SART3: variants seen among roughly 807,000 people sequenced by gnomAD.
The protein encoded by SART3 is spliceosome associated factor 3, U4/U6 recycling protein.
A neutral mutation model predicts 122.3 loss-of-function variants in SART3; 44 were observed. That is an observed-to-expected ratio of 0.36 (90% CI 0.28 to 0.46). The LOEUF (loss-of-function observed/expected upper bound fraction) is 0.46, where lower values mean the gene tolerates loss of function less well. Ranked by LOEUF, SART3 falls within the 20% of genes least tolerant of loss-of-function variation. The probability of loss-of-function intolerance (pLI) is 1.00; values close to 1 mark genes in which losing one functional copy is unlikely to be tolerated. For synonymous variants in SART3, 442 were observed against 454.0 expected, an observed-to-expected ratio of 0.97 and a Z score of 0.34; for missense variants, 1,101 against 1,229.0, an observed-to-expected ratio of 0.90 and a Z score of 1.56.
chr12:108,558,931 G>A (rs1300008150), intron 1 of SART3, among the ~76,000 whole-genome samples: 4 of 151,508 alleles, frequency 2.6e-5, no homozygotes, highest in Non-Finnish European at 5.9e-5. Flanking sequence ...TACTCGGGGG[G>A]CTGAGGCAGG....
chr12:108,533,454 C>A (rs1308081480), intron 12 of SART3, among the ~76,000 whole-genome samples: 1 of 148,140 alleles, frequency 6.8e-6, no homozygotes, highest in Non-Finnish European at 1.5e-5. Context: ...TTTTCAAGGA[C>A]ACCATTTTTA....
chr12:108,532,822 C>T (rs1020313686), intron 12 of SART3, among the ~76,000 whole-genome samples: 5 of 151,784 alleles, frequency 3.3e-5, no homozygotes, highest in African/African-American at 7.3e-5. Context: ...AGCACGATCT[C>T]GGCTCACTCC....
intron 3 of SART3, among the ~76,000 whole-genome samples, chr12:108,546,382 GTA>G (rs1192512830): frequency 6.6e-6 from 1 of 151,938 alleles, no homozygotes; most frequent in Non-Finnish European, 1.5e-5. Context: ...TGTATTTTTA[GTA>G]GAGATGGGGT....
At position 108,545,328 on chromosome 12, in the gene SART3, A is replaced by G; in HGVS notation, c.545-5T>C. ...ACTCTAGCCAAATGTTAGGACCTAA[A>G]AATAAGAAGTGTTCAATTAGTTTGG... On this transcript the variant is annotated splice_polypyrimidine_tract_variant and splice_region_variant and intron_variant, in intron 3 of 18. Transcript: ENST00000546815. 1 of 1,614,084 alleles carries G rather than the reference A, an allele frequency of 6.2e-7. No individual in the cohort carries two copies. Among genetic ancestry groups the G allele is most frequent in the South Asian group, 1.1e-5 (1 of 91,080 alleles).
chr12:108,524,100 A>T, intron 18 of SART3: 1 of 602,612 alleles, frequency 1.7e-6, no homozygotes, highest in Non-Finnish European at 3.0e-6. Flanking sequence ...GACAAGTGTA[A>T]ATTGGCCAGT....
At chr12:108,543,206 C>A (rs1046220167) in intron 5 of SART3, 54 bp from the exon 6 acceptor site, 41 of 1,604,166 alleles carry the variant, frequency 2.6e-5, no homozygotes, top group Non-Finnish European at 3.3e-5. Context: ...TTTATCAACC[C>A]AAACACAGAT....
rs1251301044 is a variant in SART3 at position 108,524,663 on chromosome 12, T to G, written c.2524-157A>C. The G allele has an allele frequency of 4.4e-6, 3 of 679,196 alleles. No individual in the cohort carries two copies. In the South Asian group the frequency reaches 4.9e-5, roughly 11 times the overall value. The allele number at this position is 679,196 out of a possible 1,614,324, so 42.1% of individuals were successfully genotyped here. A position where few individuals can be genotyped will look rare whatever the true frequency, so the allele number is the denominator to read the frequency against. Reference sequence around the variant, plus strand: ...TTACCTTCCCCACCACCGCATCCTCTGTCTACAGGCTTATTTCCCCACCCT... The same window carrying G: ...TTACCTTCCCCACCACCGCATCCTCGGTCTACAGGCTTATTTCCCCACCCT... On this transcript the variant is annotated intron_variant, in intron 17 of 18. Transcript: ENST00000546815.
chr12:108,524,181 TACC>T, intron 18 of SART3, 132 bp downstream of exon 18: 2 of 830,858 alleles, frequency 2.4e-6, no homozygotes, highest in Non-Finnish European at 4.1e-6. Context: ...CCACAGTGAT[TACC>T]ACAAGGAACA....
intron 5 of SART3, among the ~76,000 whole-genome samples, chr12:108,543,401 C>T (rs766808640): frequency 4.6e-5 from 7 of 152,234 alleles, no homozygotes; most frequent in Non-Finnish European, 1.0e-4. Context: ...TTTAACAACA[C>T]TTACCCAGTG....
Position 108,523,366 on chromosome 12 carries a change from C to T in SART3, c.*91G>A, listed in dbSNP as rs1872213494. On this transcript the variant is annotated 3_prime_UTR_variant, in exon 19 of 19. Transcript: ENST00000546815. ...CTGTGGTTGCGAGCACGCAGCACACCAGGCCTGTCCATCCCCAGTGCACTG... is the reference window on the plus strand; with the variant it reads ...CTGTGGTTGCGAGCACGCAGCACACTAGGCCTGTCCATCCCCAGTGCACTG... The T allele has an allele frequency of 7.3e-7, 1 of 1,362,788 alleles. No individual in the cohort carries two copies. Among genetic ancestry groups the T allele is most frequent in the African/African-American group, 1.4e-5 (1 of 69,890 alleles). The allele number at this position is 1,362,788 out of a possible 1,614,324, so 84.4% of individuals were successfully genotyped here. A position where few individuals can be genotyped will look rare whatever the true frequency, so the allele number is the denominator to read the frequency against.
chr12:108,554,509 C>A (rs912214017), intron 1 of SART3, among the ~76,000 whole-genome samples: 1 of 151,896 alleles, frequency 6.6e-6, no homozygotes, highest in African/African-American at 2.4e-5. Flanking sequence ...AACATGATTA[C>A]CTCAATGAAG....
chr12:108,526,009 A>G (rs554566075), intron 16 of SART3, 90 bp downstream of exon 16: 13 of 1,094,450 alleles, frequency 1.2e-5, no homozygotes, highest in Non-Finnish European at 1.8e-5. Context: ...TAAAACTTCC[A>G]TGTCTATCCT....
Position 108,530,251 on chromosome 12 carries a change from T to A in SART3, c.1806A>T (p.Lys602Asn). 6.2e-7 allele frequency: 1 copy of A among 1,614,208 alleles called. No homozygotes were observed. Among genetic ancestry groups the A allele is most frequent in the Non-Finnish European group, 8.5e-7 (1 of 1,180,036 alleles). The part of the protein sequence containing the change: ...QQEEEKAEQR[K>N]RARAEKKALK... Reference sequence around the variant, plus strand: ...ACGCTTTCTTCTCAGCCCGAGCTCTTTTCCGTTGTTCAGCCTTTTCTTCTT... The same window carrying A: ...ACGCTTTCTTCTCAGCCCGAGCTCTATTCCGTTGTTCAGCCTTTTCTTCTT... Residue 602 changes from lysine to asparagine, a missense_variant, in exon 15 of 19, where the codon AAA becomes AAT. Physicochemically the swap from Lys to Asn is moderately conservative, Grantham distance 94. Around this residue, in one of 2 missense-constraint regions of SART3, gnomAD observed 885 missense variants for 1,080.1 expected, o/e 0.82. Coordinates refer to ENST00000546815, the MANE Select transcript of SART3 (RefSeq NM_014706.4).
chr12:108,544,770 G>A (rs1460038540), intron 4 of SART3: 1 of 583,390 alleles, frequency 1.7e-6, no homozygotes, highest in South Asian at 2.0e-5. Flanking sequence ...TCACTACATT[G>A]CCCAGGCTGG....
chr12:108,555,707 A>G (rs2030191855), intron 1 of SART3, among the ~76,000 whole-genome samples: 1 of 152,198 alleles, frequency 6.6e-6, no homozygotes, highest in Admixed American at 6.5e-5. Flanking sequence ...ATGGAGTTAT[A>G]TGCATGTTCT....
intron 10 of SART3, 56 bp from the exon 11 acceptor site, chr12:108,536,628 GC>G: frequency 6.2e-7 from 1 of 1,608,798 alleles, no homozygotes; most frequent in Non-Finnish European, 8.5e-7. Context: ...ATAGTCGCTG[GC>G]TGAAAAGGTA....
At position 108,561,039 on chromosome 12, in the gene SART3, A is replaced by T; in HGVS notation, c.116T>A (p.Leu39Ter). 3 of 1,614,098 alleles carry T rather than the reference A, an allele frequency of 1.9e-6. No individual in the cohort carries two copies. Among genetic ancestry groups the T allele is most frequent in the Non-Finnish European group, 2.5e-6 (3 of 1,179,990 alleles). Residue 39 changes from leucine (L) to a stop codon, truncating the protein, a stop_gained, in exon 1 of 19, where the codon TTA becomes TAA. Coordinates refer to ENST00000546815, the MANE Select transcript of SART3 (RefSeq NM_014706.4). LOFTEE classifies it high-confidence loss of function. ...VKAARTRRKV[L>*]SRAVAAATYK... Reference sequence around the variant, plus strand: ...TGTCGCAGCGGCCACAGCCCGCGATAACACCTTCCTCCTTGTCCTAGCCGC... The same window carrying T: ...TGTCGCAGCGGCCACAGCCCGCGATTACACCTTCCTCCTTGTCCTAGCCGC...
At position 108,536,799 on chromosome 12, in the gene SART3, CA is replaced by C. The variant is rs753899235; in HGVS notation, c.1310-15del. The C allele has an allele frequency of 4.3e-6, 7 of 1,611,964 alleles. No homozygotes were observed. Among genetic ancestry groups the C allele is most frequent in the South Asian group, 2.2e-5 (2 of 90,924 alleles). On this transcript the variant is annotated splice_polypyrimidine_tract_variant and intron_variant, in intron 9 of 18. Transcript: ENST00000546815. Reference sequence around the variant, plus strand: ...CTTTACTGGAGTCTAACGGAAAGTGCAAAAAAAGGCTTTAGGAAACCACATA... The same window carrying C: ...CTTTACTGGAGTCTAACGGAAAGTGCAAAAAAGGCTTTAGGAAACCACATA...
At position 108,547,939 on chromosome 12, in the gene SART3, C is replaced by A. The variant is rs1312483169; in HGVS notation, c.492G>T (p.Leu164=). Residue 164 remains leucine, a synonymous_variant, in exon 3 of 19, where the codon CTG becomes CTT. Coordinates refer to ENST00000546815, the MANE Select transcript of SART3 (RefSeq NM_014706.4). ...AGAGGTCATACACGTGCTCTCTGTC[C>A]AGGCCATCCTGGGCCATGCTGATCT... ...HDEISMAQDG[L]DREHVYDLFE... The A allele has an allele frequency of 3.1e-6, 5 of 1,613,634 alleles. No individual in the cohort carries two copies. Among genetic ancestry groups the A allele is most frequent in the Non-Finnish European group, 4.2e-6 (5 of 1,180,012 alleles).
Sources: gnomAD v4.1 joint callset for allele counts (sites outside exome capture counted in the v4.1 genomes callset) on GRCh38, gnomAD v4.1.1 for gene constraint, gnomAD v4.1.1 regional missense constraint, MANE v1.5 for transcripts, NCBI Gene and HGNC (gene_info 2026-07-23, HGNC 2026-07-21) for gene names.